Variants in RBFOX1 observed in about 807,000 individuals in gnomAD.
RBFOX1 encodes RNA binding protein fox-1 homolog 1.
Under a neutral mutation model 57.7 loss-of-function variants are expected in RBFOX1, and 8 were observed. The ratio of observed to expected loss-of-function variants is 0.14; its 90% confidence interval spans 0.08 to 0.25. The LOEUF (loss-of-function observed/expected upper bound fraction) is 0.25, where lower values mean the gene tolerates loss of function less well. Ranked by LOEUF, RBFOX1 falls within the 10% of genes least tolerant of loss-of-function variation. The pLI is 1.00. For missense variants in RBFOX1, 611 were observed against 548.5 expected (o/e 1.11, Z -1.14); for synonymous variants, 326 against 222.4 (o/e 1.47, Z -4.15).
intron 3 of RBFOX1, among the ~76,000 whole-genome samples, chr16:6,805,215 A>G (rs1378169952): frequency 6.6e-6 from 1 of 152,230 alleles, no homozygotes; most frequent in Non-Finnish European, 1.5e-5. Flanking sequence ...GCAGCCATAA[A>G]AAATGAGATC....
intron 4 of RBFOX1, among the ~76,000 whole-genome samples, chr16:7,096,271 A>G (rs1439286837): frequency 6.6e-6 from 1 of 152,182 alleles, no homozygotes; most frequent in African/African-American, 2.4e-5. Context: ...CAAAGGGGAT[A>G]TGTAGGCTGA....
chr16:7,470,375 T>C (rs2061345576), intron 4 of RBFOX1, among the ~76,000 whole-genome samples: 1 of 152,084 alleles, frequency 6.6e-6, no homozygotes, highest in Non-Finnish European at 1.5e-5. Context: ...TTGAAATGAG[T>C]GATTGTAGGA....
intron 3 of RBFOX1, among the ~76,000 whole-genome samples, chr16:7,040,596 C>T (rs1181720184): frequency 6.6e-6 from 1 of 152,152 alleles, no homozygotes; most frequent in Admixed American, 6.5e-5. Flanking sequence ...CCCAGGACAT[C>T]ATTTTTCTGC....
exon 1 of RBFOX1, chr16:5,240,064 A>G (rs1466404527): frequency 6.5e-7 from 1 of 1,531,778 alleles, no homozygotes; most frequent in South Asian, 1.2e-5. Context: ...GCGGCCGGGC[A>G]GGGAGGAGAC....
chr16:7,438,134 G>A (rs549473614), intron 4 of RBFOX1, among the ~76,000 whole-genome samples: 1 of 152,220 alleles, frequency 6.6e-6, no homozygotes, highest in East Asian at 1.9e-4. Flanking sequence ...AATCTTGGCA[G>A]GTGGGAATTT....
intron 4 of RBFOX1, among the ~76,000 whole-genome samples, chr16:7,263,556 G>T (rs2095007121): frequency 6.6e-6 from 1 of 152,056 alleles, no homozygotes; most frequent in South Asian, 2.1e-4. Context: ...CAGGGCTGAG[G>T]ACCACAGCTC....
At chr16:7,207,920 C>G (rs368287245) in intron 4 of RBFOX1, among the ~76,000 whole-genome samples, 11 of 152,190 alleles carry the variant, frequency 7.2e-5, no homozygotes, top group African/African-American at 2.7e-4. Flanking sequence ...GGTGCATCCT[C>G]TCCTTCCTCT....
At chr16:6,324,924 C>G (rs1157980930) in intron 2 of RBFOX1, among the ~76,000 whole-genome samples, 1 of 152,194 alleles carries the variant, frequency 6.6e-6, no homozygotes, top group Non-Finnish European at 1.5e-5. Flanking sequence ...AGCCCATTTT[C>G]TCTTGACAGG....
At chr16:7,207,562 A>T (rs1002853688) in intron 4 of RBFOX1, among the ~76,000 whole-genome samples, 1 of 152,220 alleles carries the variant, frequency 6.6e-6, no homozygotes, top group African/African-American at 2.4e-5. Context: ...TGGATTAACG[A>T]CTGATCTTGC....
At chr16:6,918,801 G>A (rs746891843) in intron 3 of RBFOX1, among the ~76,000 whole-genome samples, 3 of 152,070 alleles carry the variant, frequency 2.0e-5, no homozygotes, top group Admixed American at 6.6e-5. Flanking sequence ...CAGGAGCATT[G>A]AGCAGAAGCG....
chr16:7,482,650 G>T (rs1397927464), intron 4 of RBFOX1, among the ~76,000 whole-genome samples: 2 of 143,794 alleles, frequency 1.4e-5, no homozygotes, highest in African/African-American at 2.6e-5. Flanking sequence ...GGAGGAAGAA[G>T]ATGCTGTGAC....
intron 14 of RBFOX1, among the ~76,000 whole-genome samples, chr16:7,682,050 C>A (rs2074897847): frequency 6.6e-6 from 1 of 152,124 alleles, no homozygotes; most frequent in South Asian, 2.1e-4. Flanking sequence ...GAACACCAAC[C>A]ATGTAATATG....
intron 4 of RBFOX1, among the ~76,000 whole-genome samples, chr16:5,874,960 A>C (rs1412974204): frequency 6.6e-6 from 1 of 152,150 alleles, no homozygotes. Context: ...AAATAAATGC[A>C]TGAATGAATG....
At chr16:5,272,903 C>G (rs562828874) in intron 1 of RBFOX1, among the ~76,000 whole-genome samples, 94 of 152,314 alleles carry the variant, frequency 6.2e-4, no homozygotes, top group South Asian at 1.4e-3. Flanking sequence ...AGAGACTCCA[C>G]AAATGGGATT....
At chr16:5,853,823 A>G (rs1360079167) in intron 3 of RBFOX1, among the ~76,000 whole-genome samples, 1 of 152,130 alleles carries the variant, frequency 6.6e-6, no homozygotes, top group Non-Finnish European at 1.5e-5. Flanking sequence ...CGGTTCAATC[A>G]TAACTCACTG....
chr16:5,666,784 T>G (rs2049859255), intron 3 of RBFOX1, among the ~76,000 whole-genome samples: 1 of 152,234 alleles, frequency 6.6e-6, no homozygotes, highest in African/African-American at 2.4e-5. Context: ...AGTTGTTATG[T>G]GAAGACATCA....
intron 2 of RBFOX1, among the ~76,000 whole-genome samples, chr16:6,602,306 T>C (rs2097862747): frequency 6.6e-6 from 1 of 152,214 alleles, no homozygotes; most frequent in Non-Finnish European, 1.5e-5. Context: ...TTTGATTTGC[T>C]AAAGTTTTTA....
intron 4 of RBFOX1, among the ~76,000 whole-genome samples, chr16:7,265,298 A>T (rs2095084918): frequency 6.7e-6 from 1 of 150,248 alleles, no homozygotes; most frequent in Non-Finnish European, 1.5e-5. Context: ...TCGGTGGCTT[A>T]TGGATGGTGG....
chr16:6,627,411 G>C (rs1039610565), intron 2 of RBFOX1, among the ~76,000 whole-genome samples: 7 of 152,074 alleles, frequency 4.6e-5, no homozygotes, highest in Admixed American at 2.6e-4. Context: ...TGGAGAGAAA[G>C]AAAAACTTTT....
Sources: gnomAD v4.1 joint callset for allele counts (sites outside exome capture counted in the v4.1 genomes callset) on GRCh38, gnomAD v4.1.1 for gene constraint, MANE v1.5 for transcripts, NCBI Gene and HGNC (gene_info 2026-07-23, HGNC 2026-07-21) for gene names.